RAB14: variants seen among roughly 807,000 people sequenced by gnomAD.
RAB14 encodes the protein RAB14, member RAS oncogene family.
RAB14 carries 3 observed loss-of-function variants against 31.1 expected under a neutral mutation model. The ratio of observed to expected loss-of-function variants is 0.10; its 90% CI spans 0.04 to 0.25. The LOEUF (loss-of-function observed/expected upper bound fraction) is 0.25, where lower values mean the gene tolerates loss of function less well. Among genes scored for constraint, RAB14 ranks in the 10% least tolerant of loss-of-function variants. The pLI is 1.00. For missense variants in RAB14, 111 were observed against 260.1 expected, an observed-to-expected ratio of 0.43 and a Z score of 3.94; for synonymous variants, 85 against 84.9, an observed-to-expected ratio of 1.00 and a Z score of 0.00.
intron 5 of RAB14, among the ~76,000 whole-genome samples, chr9:121,185,459 C>T (rs1358288432): frequency 6.6e-6 from 1 of 152,056 alleles, no homozygotes; most frequent in Non-Finnish European, 1.5e-5. Flanking sequence ...AATTTTATCT[C>T]AGGTGCAGAT....
intron 1 of RAB14, among the ~76,000 whole-genome samples, chr9:121,199,297 C>G (rs1026007981): frequency 7.2e-5 from 11 of 152,198 alleles, no homozygotes; most frequent in Admixed American, 4.6e-4. Flanking sequence ...TATATGAATG[C>G]TCAGTATGCT....
At chr9:121,190,819 G>A in intron 3 of RAB14, 88 bp from the exon 4 acceptor site, 6 of 1,285,830 alleles carry the variant, frequency 4.7e-6, no homozygotes, top group Non-Finnish European at 5.4e-6. Flanking sequence ...ATAAGCAAAT[G>A]GCTTACTAAT....
At chr9:121,186,440 A>G (rs2053659572) in intron 5 of RAB14, among the ~76,000 whole-genome samples, 2 of 151,782 alleles carry the variant, frequency 1.3e-5, no homozygotes, top group South Asian at 4.1e-4. Context: ...TTAAAATCTC[A>G]ATAAATATCA....
intron 4 of RAB14, among the ~76,000 whole-genome samples, chr9:121,188,536 G>A (rs2053669991): frequency 6.6e-6 from 1 of 150,988 alleles, no homozygotes. Flanking sequence ...GGTGGTACTA[G>A]TACTAAAAAA....
At chr9:121,194,460 A>C (rs996675754) in intron 1 of RAB14, among the ~76,000 whole-genome samples, 8 of 152,206 alleles carry the variant, frequency 5.3e-5, no homozygotes, top group Non-Finnish European at 1.2e-4. Context: ...CAATTTATTC[A>C]AATGAATTAT....
chr9:121,181,425 G>C lies in RAB14; in HGVS notation c.619C>G (p.Gln207Glu). 17 of 1,608,216 alleles carry C rather than the reference G, an allele frequency of 1.1e-5. No homozygotes were observed. The highest frequency in any genetic ancestry group is 1.4e-5 in the Non-Finnish European group (17 of 1,175,524). The change falls in exon 8 of 8, where the codon CAA (glutamine) becomes GAA (glutamate). Residue 207 changes from glutamine (Q) to glutamate (E), a missense_variant. Coordinates refer to ENST00000373840, the MANE Select transcript of RAB14 (RefSeq NM_016322.4). Reference protein sequence around the residue: ...PQGGRLTSEPQPQREGCGC With the variant: ...PQGGRLTSEPEPQREGCGC ...CAGCCACAGCCTTCTCTCTGGGGTT[G>C]GGGTTCACTGGTTAGCCGGCCTCCC...
At chr9:121,183,469 A>C in intron 5 of RAB14, 71 bp from the exon 6 acceptor site, 1 of 1,205,522 alleles carries the variant, frequency 8.3e-7, no homozygotes, top group Non-Finnish European at 1.2e-6. Flanking sequence ...CAAATTCTGA[A>C]ATCCAAAAAT....
chr9:121,201,352 G>A (rs115020578), intron 1 of RAB14, among the ~76,000 whole-genome samples: 5 of 152,200 alleles, frequency 3.3e-5, no homozygotes, highest in African/African-American at 1.2e-4. Flanking sequence ...AGGCGAGGCC[G>A]GAACACACCC....
chr9:121,188,120 G>A (rs2053667505), intron 4 of RAB14, among the ~76,000 whole-genome samples: 1 of 151,814 alleles, frequency 6.6e-6, no homozygotes, highest in Admixed American at 6.6e-5. Context: ...TCACCACTTA[G>A]ATGTCAAAAA....
At chr9:121,186,296 C>T (rs923777771) in intron 5 of RAB14, among the ~76,000 whole-genome samples, 1 of 152,140 alleles carries the variant, frequency 6.6e-6, no homozygotes, top group Admixed American at 6.6e-5. Context: ...ATTTCTAATT[C>T]GTGCTTCAAT....
At chr9:121,198,951 T>C (rs1404512608) in intron 1 of RAB14, among the ~76,000 whole-genome samples, 1 of 151,074 alleles carries the variant, frequency 6.6e-6, no homozygotes, top group Non-Finnish European at 1.5e-5. Context: ...AAAAAAAACC[T>C]TACTTTTGAC....
rs1400471162 is a variant in RAB14 at position 121,180,041 on chromosome 9, C to G, written c.*1355G>C. On this transcript the variant is annotated 3_prime_UTR_variant, in exon 8 of 8. Coordinates refer to ENST00000373840, the MANE Select transcript of RAB14 (RefSeq NM_016322.4). Reference sequence around the variant, plus strand: ...TACAGTATTAATTCAGTGGCCAAACCACCTGGTGCAAAGTAATAACTTACT... The same window carrying G: ...TACAGTATTAATTCAGTGGCCAAACGACCTGGTGCAAAGTAATAACTTACT... 6.6e-6 allele frequency: 1 copy of G among 152,574 alleles called. No homozygotes were observed. The highest frequency in any genetic ancestry group is 1.5e-5 in the Non-Finnish European group (1 of 68,022). The allele number at this position is 152,574 out of a possible 1,614,324, so 9.5% of individuals were successfully genotyped here.
chr9:121,183,291 T>C lies in RAB14; in HGVS notation c.439+20A>G, dbSNP rs1244487332. 1 of 1,575,902 alleles carries C rather than the reference T, an allele frequency of 6.3e-7. No individual in the cohort carries two copies. Among genetic ancestry groups the C allele is most frequent in the Admixed American group, 1.7e-5 (1 of 59,242 alleles). On this transcript the variant is annotated intron_variant, in intron 6 of 7. Coordinates refer to ENST00000373840, the MANE Select transcript of RAB14 (RefSeq NM_016322.4). ...TAAAAATTCTCCCAATTGTGACCAT[T>C]AAGTCTTAAAGAAACTCACCATTTT...
At position 121,193,434 on chromosome 9, in the gene RAB14, ATC is replaced by A. The variant is rs1588370866; in HGVS notation, c.-7-17_-7-16del. ...CCATGGTGGCACTAAAAACAAAGAA[ATC>A]TCTGTTACTTCAGAAGGAAAGCATA... On this transcript the variant is annotated splice_polypyrimidine_tract_variant and intron_variant, in intron 1 of 7. Coordinates refer to ENST00000373840, the MANE Select transcript of RAB14 (RefSeq NM_016322.4). The A allele has an allele frequency of 6.5e-7, 1 of 1,538,252 alleles. No individual in the cohort carries two copies. Among genetic ancestry groups the A allele is most frequent in the Non-Finnish European group, 8.8e-7 (1 of 1,132,336 alleles).
chr9:121,186,460 G>T (rs1362262069), intron 5 of RAB14, among the ~76,000 whole-genome samples: 1 of 152,024 alleles, frequency 6.6e-6, no homozygotes, highest in Non-Finnish European at 1.5e-5. Context: ...ATCTCAGTCT[G>T]GTTAAGAAGC....
At chr9:121,189,838 T>C (rs1014008022) in intron 4 of RAB14, among the ~76,000 whole-genome samples, 2 of 152,086 alleles carry the variant, frequency 1.3e-5, no homozygotes, top group African/African-American at 4.8e-5. Flanking sequence ...GACTGGCACT[T>C]TACATCAACA....
At chr9:121,194,246 T>C (rs2132027942) in intron 1 of RAB14, among the ~76,000 whole-genome samples, 1 of 152,108 alleles carries the variant, frequency 6.6e-6, no homozygotes, top group East Asian at 1.9e-4. Flanking sequence ...CCAGCCAGAT[T>C]AACAACATAG....
In RAB14 at chr9:121,188,095, C is replaced by T. The variant is rs145721018; in HGVS notation, c.285-1076G>A. On this transcript the variant is annotated intron_variant, in intron 4 of 7. Transcript: ENST00000373840. ...TAGTCAGACTTTTATTGTGTTACATCATATTATTCATAAATCACCACTTAG... is the reference window on the plus strand; with the variant it reads ...TAGTCAGACTTTTATTGTGTTACATTATATTATTCATAAATCACCACTTAG... Among the ~76,000 whole-genome samples, 3 of 151,994 alleles carry T rather than the reference C, an allele frequency of 2.0e-5. No individual in the cohort carries two copies. In the East Asian group the frequency reaches 5.8e-4, roughly 29 times the overall value.
intron 1 of RAB14, among the ~76,000 whole-genome samples, chr9:121,194,235 C>T (rs151231062): frequency 1.7e-3 from 261 of 152,102 alleles, no homozygotes; most frequent in African/African-American, 5.9e-3. Flanking sequence ...AGCCACTGTG[C>T]CCAGCCAGAT....
Sources: gnomAD v4.1 joint callset for allele counts (sites outside exome capture counted in the v4.1 genomes callset) on GRCh38, gnomAD v4.1.1 for gene constraint, MANE v1.5 for transcripts, NCBI Gene and HGNC (gene_info 2026-07-23, HGNC 2026-07-21) for gene names.